Variants in UST observed in about 807,000 individuals in gnomAD.
UST encodes the protein uronyl 2-sulfotransferase.
Under a neutral mutation model 45.6 loss-of-function variants are expected in UST, and 21 were observed. The observed-to-expected ratio is 0.46, with a 90% CI of 0.33 to 0.66. UST has a LOEUF of 0.66. Ranked by LOEUF, UST falls within the 30% of genes least tolerant of loss-of-function variation. UST has a pLI of 0.02. For missense variants in UST, 463 were observed against 512.4 expected (o/e 0.90, Z 0.93); for synonymous variants, 215 against 200.6 (o/e 1.07, Z -0.61).
At chr6:148,876,828 C>T (rs1217376339) in intron 1 of UST, among the ~76,000 whole-genome samples, 2 of 151,498 alleles carry the variant, frequency 1.3e-5, no homozygotes, top group East Asian at 3.9e-4. Flanking sequence ...GTGCTGACCA[C>T]GTTTCCTTAT....
chr6:148,890,772 C>T (rs1779002337), intron 2 of UST, among the ~76,000 whole-genome samples: 2 of 152,230 alleles, frequency 1.3e-5, no homozygotes, highest in East Asian at 1.9e-4. Flanking sequence ...TGAACTAAGC[C>T]GCTATTTACA....
At chr6:149,003,329 C>T (rs997780618) in intron 5 of UST, among the ~76,000 whole-genome samples, 5 of 151,922 alleles carry the variant, frequency 3.3e-5, no homozygotes, top group Non-Finnish European at 5.9e-5. Flanking sequence ...CCTCAGTATT[C>T]AACTAACCAC....
intron 1 of UST, among the ~76,000 whole-genome samples, chr6:148,812,848 G>A (rs1048441479): frequency 2.0e-5 from 3 of 152,208 alleles, no homozygotes; most frequent in African/African-American, 7.2e-5. Flanking sequence ...GGTGTGAATG[G>A]CAGGAGGTGG....
intron 1 of UST, among the ~76,000 whole-genome samples, chr6:148,750,567 G>C (rs1205821662): frequency 1.3e-5 from 2 of 152,198 alleles, no homozygotes; most frequent in Non-Finnish European, 2.9e-5. Context: ...AATACCCATT[G>C]CATAGCACTA....
intron 5 of UST, among the ~76,000 whole-genome samples, chr6:148,984,750 C>A (rs1246672238): frequency 6.6e-6 from 1 of 152,166 alleles, no homozygotes; most frequent in Non-Finnish European, 1.5e-5. Flanking sequence ...CTTGAGCCAT[C>A]TTTCTGCCTT....
intron 1 of UST, among the ~76,000 whole-genome samples, chr6:148,885,911 G>A (rs931876513): frequency 1.3e-5 from 2 of 152,166 alleles, no homozygotes; most frequent in East Asian, 1.9e-4. Flanking sequence ...TTGCAGTTCC[G>A]TTCCATGATT....
chr6:148,969,471 T>A (rs1022845260), intron 5 of UST, among the ~76,000 whole-genome samples: 1 of 152,236 alleles, frequency 6.6e-6, no homozygotes, highest in African/African-American at 2.4e-5. Flanking sequence ...TTAGCCTCTG[T>A]GAACCTTGCT....
At chr6:148,947,671 C>T (rs1312765159) in intron 3 of UST, among the ~76,000 whole-genome samples, 1 of 152,170 alleles carries the variant, frequency 6.6e-6, no homozygotes, top group African/African-American at 2.4e-5. Flanking sequence ...TCTCTTTATC[C>T]CAGGAACCTT....
At chr6:148,941,140 A>T (rs1370577183) in intron 2 of UST, 139 bp from the exon 3 acceptor site, 6 of 945,662 alleles carry the variant, frequency 6.3e-6, no homozygotes, top group Middle Eastern at 2.2e-4. Flanking sequence ...ACTGATATAC[A>T]TCCTTTTTAT....
At chr6:148,847,239 G>T (rs756871028) in intron 1 of UST, among the ~76,000 whole-genome samples, 1 of 152,232 alleles carries the variant, frequency 6.6e-6, no homozygotes, top group Non-Finnish European at 1.5e-5. Flanking sequence ...GGCATAACTT[G>T]ACAGAGTCTT....
intron 5 of UST, among the ~76,000 whole-genome samples, chr6:148,978,319 A>G (rs1208891049): frequency 6.6e-6 from 1 of 152,246 alleles, no homozygotes; most frequent in Non-Finnish European, 1.5e-5. Context: ...ATTATACATC[A>G]CATACATTTT....
intron 5 of UST, among the ~76,000 whole-genome samples, chr6:148,978,050 T>A (rs1781053703): frequency 6.6e-6 from 1 of 152,208 alleles, no homozygotes; most frequent in African/African-American, 2.4e-5. Flanking sequence ...ATTTTACATA[T>A]TATTACTGTT....
chr6:148,877,606 G>GT (rs1460929729), intron 1 of UST, among the ~76,000 whole-genome samples: 1 of 128,170 alleles, frequency 7.8e-6, no homozygotes. Context: ...GTGTATGAGT[G>GT]GGTCGTGTAT....
intron 1 of UST, among the ~76,000 whole-genome samples, chr6:148,812,949 G>T (rs191546896): frequency 2.0e-4 from 31 of 152,086 alleles, no homozygotes; most frequent in African/African-American, 6.8e-4. Flanking sequence ...AATGATAAGG[G>T]GGCATTTACT....
intron 7 of UST, among the ~76,000 whole-genome samples, chr6:149,026,116 C>T (rs1776046122): frequency 6.6e-6 from 1 of 150,908 alleles, no homozygotes; most frequent in Admixed American, 6.6e-5. Context: ...CCACTGCACT[C>T]CAGCCTAGGT....
At chr6:148,762,697 C>A (rs1776244315) in intron 1 of UST, among the ~76,000 whole-genome samples, 1 of 152,048 alleles carries the variant, frequency 6.6e-6, no homozygotes, top group Admixed American at 6.5e-5. Context: ...TTTCTCCCTC[C>A]CTGCTTTTGA....
chr6:148,990,948 C>T (rs1299564428), intron 5 of UST, among the ~76,000 whole-genome samples: 2 of 152,174 alleles, frequency 1.3e-5, no homozygotes, highest in African/African-American at 2.4e-5. Flanking sequence ...TGTGGGCTGG[C>T]ACTCTCCTAA....
intron 1 of UST, among the ~76,000 whole-genome samples, chr6:148,859,156 A>C (rs553704554): frequency 6.6e-6 from 1 of 152,208 alleles, no homozygotes; most frequent in South Asian, 2.1e-4. Flanking sequence ...CCTCTTCAGC[A>C]CCTGTTGTTT....
chr6:148,861,884 C>A (rs940185626), intron 1 of UST, among the ~76,000 whole-genome samples: 7 of 152,164 alleles, frequency 4.6e-5, no homozygotes, highest in African/African-American at 1.2e-4. Context: ...GATTTCTGTT[C>A]TTTTACATTT....
Sources: gnomAD v4.1 joint callset for allele counts (sites outside exome capture counted in the v4.1 genomes callset) on GRCh38, gnomAD v4.1.1 for gene constraint, MANE v1.5 for transcripts, NCBI Gene and HGNC (gene_info 2026-07-23, HGNC 2026-07-21) for gene names.